Variants in SRCIN1 observed in about 807,000 individuals in gnomAD.
The protein encoded by SRCIN1 is P130Cas-associated protein.
A neutral mutation model predicts 116.2 loss-of-function variants in SRCIN1; 50 were observed. The observed-to-expected ratio is 0.43, with a 90% CI of 0.34 to 0.54. The LOEUF (loss-of-function observed/expected upper bound fraction) is 0.54, where lower values mean the gene tolerates loss of function less well. SRCIN1 is among the 20% of genes least tolerant of loss of function. The pLI is 0.02. For synonymous variants in SRCIN1, 736 were observed against 750.0 expected (o/e 0.98, Z 0.30); for missense variants, 1,446 against 1,672.0 (o/e 0.86, Z 2.36).
At chr17:38,591,324 C>T (rs1401347443) in intron 1 of SRCIN1, among the ~76,000 whole-genome samples, 2 of 152,170 alleles carry the variant, frequency 1.3e-5, no homozygotes, top group African/African-American at 4.8e-5. Context: ...GTCATGACCT[C>T]TCCCTTTGGA....
Position 38,563,243 on chromosome 17 carries a change from G to C in SRCIN1, c.740+80C>G. ...TGAGGTCGGGTCAGGAAGGAGCTGGGGAAGGGCCGGCGGGGTCCAGCACCC... is the reference window on the plus strand; with the variant it reads ...TGAGGTCGGGTCAGGAAGGAGCTGGCGAAGGGCCGGCGGGGTCCAGCACCC... On this transcript the variant is annotated intron_variant, in intron 5 of 18. Coordinates refer to ENST00000617146, the MANE Select transcript of SRCIN1 (RefSeq NM_025248.3). The surrounding 1 kb of genome is among the most constrained non-coding windows in gnomAD (Gnocchi z 5.8). 1 of 1,497,386 alleles carries C rather than the reference G, an allele frequency of 6.7e-7. No individual in the cohort carries two copies. The highest frequency in any genetic ancestry group is 9.0e-7 in the Non-Finnish European group (1 of 1,108,920). 92.8% of individuals were successfully genotyped at this position (1,497,386 alleles called of 1,614,324 possible).
At chr17:38,581,466 CTTT>C (rs55779119) in intron 1 of SRCIN1, among the ~76,000 whole-genome samples, 3 of 134,690 alleles carry the variant, frequency 2.2e-5, no homozygotes. Context: ...ACACCCAGGT[CTTT>C]TTTTTTTTTT....
chr17:38,578,243 AT>A (rs1490787207), intron 2 of SRCIN1, among the ~76,000 whole-genome samples: 1 of 152,028 alleles, frequency 6.6e-6, no homozygotes, highest in East Asian at 1.9e-4. Flanking sequence ...CACGCTCTCG[AT>A]TTCCGGACTG....
At position 38,531,186 on chromosome 17, in the gene SRCIN1, G is replaced by C. The variant is rs1047472043; in HGVS notation, c.*2111C>G. 2.0e-5 allele frequency: 3 copies of C among 152,328 alleles called. No individual in the cohort carries two copies. Among genetic ancestry groups the C allele is most frequent in the African/African-American group, 7.3e-5 (3 of 41,368 alleles). The allele number at this position is 152,328 out of a possible 1,614,324, so 9.4% of individuals were successfully genotyped here. On this transcript the variant is annotated 3_prime_UTR_variant, in exon 19 of 19. Coordinates refer to ENST00000617146, the MANE Select transcript of SRCIN1 (RefSeq NM_025248.3). ...TCACAGGGCTGAGGGTGGGAGCTGG[G>C]GGCAAGCGAAGTAGCAAGCAGAGAG... is the stretch of plus-strand genomic sequence containing the variant.
chr17:38,534,044 G>A (rs2040965717), intron 18 of SRCIN1, among the ~76,000 whole-genome samples: 1 of 152,180 alleles, frequency 6.6e-6, no homozygotes, highest in African/African-American at 2.4e-5. Flanking sequence ...CAGTGCAGGA[G>A]GCCCCACTGC....
In SRCIN1 at chr17:38,572,277, C is replaced by T. The variant is rs1390838116; in HGVS notation, c.325-4046G>A. Reference sequence around the variant, plus strand: ...CTCGCCCCTCCTCGGGCGCCTGCCCCCACCGCGATGTACATGCATGACCCT... The same window carrying T: ...CTCGCCCCTCCTCGGGCGCCTGCCCTCACCGCGATGTACATGCATGACCCT... On this transcript the variant is annotated intron_variant, in intron 2 of 18. Coordinates refer to ENST00000617146, the MANE Select transcript of SRCIN1 (RefSeq NM_025248.3). The surrounding 1 kb of genome is among the most constrained non-coding windows in gnomAD (Gnocchi z 4.3). Among the ~76,000 whole-genome samples, 1 of 151,880 alleles carries T rather than the reference C, an allele frequency of 6.6e-6. No individual in the cohort carries two copies. The highest frequency in any genetic ancestry group is 2.4e-5 in the African/African-American group (1 of 41,346).
At chr17:38,567,870 A>G (rs1263882572) in intron 3 of SRCIN1, among the ~76,000 whole-genome samples, 1 of 152,192 alleles carries the variant, frequency 6.6e-6, no homozygotes, top group African/African-American at 2.4e-5. Context: ...ACAAGGGTCT[A>G]AGTCCCTAAC....
At chr17:38,590,622 C>T (rs543768427) in intron 1 of SRCIN1, among the ~76,000 whole-genome samples, 12 of 152,314 alleles carry the variant, frequency 7.9e-5, no homozygotes, top group African/African-American at 2.4e-4. Flanking sequence ...CTCACAGTCA[C>T]CTTGTGAGGT....
chr17:38,536,338 C>T (rs577510529), intron 18 of SRCIN1, among the ~76,000 whole-genome samples: 7 of 152,250 alleles, frequency 4.6e-5, no homozygotes, highest in African/African-American at 7.2e-5. Context: ...CCTGTCATTT[C>T]CTTTCACCCA....
rs879423297 is a variant in SRCIN1, at chr17:38,566,863, T to C, written c.345+1348A>G. Among the ~76,000 whole-genome samples the C allele has an allele frequency of 8.8e-4, 133 of 151,592 alleles. 1 individual carries two copies. Among genetic ancestry groups the C allele is most frequent in the Non-Finnish European group, 1.7e-3 (116 of 67,904 alleles). ...GTGTTTTGTTTTGTTTTGTTTTGTT[T>C]CGTTTCCTTCCTTCCTTCCTTCCTT... is the stretch of plus-strand genomic sequence containing the variant. On this transcript the variant is annotated intron_variant, in intron 3 of 18. Transcript: ENST00000617146.
intron 1 of SRCIN1, among the ~76,000 whole-genome samples, chr17:38,583,642 ACC>A (rs1363540268): frequency 7.4e-6 from 1 of 136,012 alleles, no homozygotes; most frequent in African/African-American, 2.8e-5. Flanking sequence ...AACCTCTGCC[ACC>A]CGGGCTCAAG....
chr17:38,548,521 G>T, intron 17 of SRCIN1, 36 bp downstream of exon 17: 1 of 1,604,236 alleles, frequency 6.2e-7, no homozygotes, highest in South Asian at 1.1e-5. Flanking sequence ...AGGGGGCCTG[G>T]CTGAGACCTT....
At chr17:38,574,177 C>T (rs1261342890) in intron 2 of SRCIN1, among the ~76,000 whole-genome samples, 5 of 152,206 alleles carry the variant, frequency 3.3e-5, no homozygotes, top group African/African-American at 4.8e-5. Flanking sequence ...GGGCTGTCCC[C>T]TTCCCATTGC....
In SRCIN1 at chr17:38,533,173, C is replaced by G; in HGVS notation, c.*124G>C. ...TCGCTGAGGAGGGCCGCACCCTCCT[C>G]TTCAGGGCACACCCCTCAGGGCGTC... On this transcript the variant is annotated 3_prime_UTR_variant, in exon 19 of 19. Transcript: ENST00000617146. 1 of 1,288,474 alleles carries G rather than the reference C, an allele frequency of 7.8e-7. No homozygotes were observed. The highest frequency in any genetic ancestry group is 1.0e-6 in the Non-Finnish European group (1 of 980,594). The allele number at this position is 1,288,474 out of a possible 1,614,324, so 79.8% of individuals were successfully genotyped here.
chr17:38,553,441 C>T (rs1905578365), intron 11 of SRCIN1, among the ~76,000 whole-genome samples: 1 of 152,128 alleles, frequency 6.6e-6, no homozygotes, highest in South Asian at 2.1e-4. Context: ...AACTTGCATC[C>T]CCTGATTCTA....
chr17:38,543,778 T>A (rs747104152), intron 18 of SRCIN1, 45 bp downstream of exon 18: 195 of 1,588,704 alleles, frequency 1.2e-4, no homozygotes, highest in Non-Finnish European at 1.5e-4. Context: ...GGGCCCGGCA[T>A]GCAGCAGAGT....
At chr17:38,601,592 T>C (rs1480743330) in intron 1 of SRCIN1, among the ~76,000 whole-genome samples, 1 of 151,826 alleles carries the variant, frequency 6.6e-6, no homozygotes, top group Non-Finnish European at 1.5e-5. Context: ...AGGTGCCTGC[T>C]GTGGTGTGGG....
intron 2 of SRCIN1, among the ~76,000 whole-genome samples, chr17:38,573,382 C>T (rs1907217974): frequency 6.6e-6 from 1 of 152,208 alleles, no homozygotes; most frequent in African/African-American, 2.4e-5. Context: ...AGTCTCTGGT[C>T]CTGCACTTAA....
chr17:38,594,253 A>G (rs1908594136), intron 1 of SRCIN1, among the ~76,000 whole-genome samples: 1 of 152,206 alleles, frequency 6.6e-6, no homozygotes, highest in African/African-American at 2.4e-5. Context: ...GCAGCAGCCA[A>G]GGATGGGGGA....
Sources: gnomAD v4.1 joint callset for allele counts (sites outside exome capture counted in the v4.1 genomes callset) on GRCh38, gnomAD v4.1.1 for gene constraint, Gnocchi (gnomAD v3.1) non-coding constraint, MANE v1.5 for transcripts, NCBI Gene and HGNC (gene_info 2026-07-23, HGNC 2026-07-21) for gene names.